The following CACNA1A variants were observed in gnomAD, a reference collection of about 807,000 sequenced individuals.
CACNA1A encodes the protein calcium voltage-gated channel subunit alpha1 A, also known as voltage-dependent P/Q-type calcium channel subunit alpha-1A.
Under a neutral mutation model 262.4 loss-of-function variants are expected in CACNA1A, and 57 were observed. The ratio of observed to expected loss-of-function variants is 0.22; its 90% confidence interval spans 0.18 to 0.27. The LOEUF (loss-of-function observed/expected upper bound fraction) is 0.27, where lower values mean the gene tolerates loss of function less well. CACNA1A is among the 10% of genes least tolerant of loss of function. CACNA1A has a pLI of 1.00. For missense variants in CACNA1A, 2,526 were observed against 3,562.8 expected (o/e 0.71, Z 7.41); for synonymous variants, 1,431 against 1,419.3 (o/e 1.01, Z -0.18).
intron 12 of CACNA1A, among the ~76,000 whole-genome samples, chr19:13,310,267 G>A (rs1448131357): frequency 6.6e-6 from 1 of 150,870 alleles, no homozygotes; most frequent in East Asian, 1.9e-4. Flanking sequence ...ACCAGCCTGG[G>A]CAAATTGCTG....
intron 15 of CACNA1A, 32 bp from the exon 16 acceptor site, chr19:13,303,916 C>T: frequency 1.3e-6 from 2 of 1,482,762 alleles, no homozygotes; most frequent in South Asian, 1.2e-5. Context: ...CACAGCCAAC[C>T]CCCCTCTCAG....
intron 11 of CACNA1A, among the ~76,000 whole-genome samples, chr19:13,314,428 G>A (rs779758917): frequency 2.6e-5 from 4 of 152,126 alleles, no homozygotes; most frequent in South Asian, 4.1e-4. Context: ...AAGTCATTAC[G>A]GTAGAGCTCT....
rs118002029 is a variant in CACNA1A at position 13,453,292 on chromosome 19, T to C, written c.400-277A>G. Among the ~76,000 whole-genome samples the C allele has an allele frequency of 4.0e-3, 605 of 152,354 alleles. 5 individuals are homozygous for C. The highest frequency in any genetic ancestry group is 6.5e-3 in the Non-Finnish European group (443 of 68,040). ...GAATTATTTGTTTGCACCTGTCTTA[T>C]TCAATACGACAGTCACAGGCCACAT... On this transcript the variant is annotated intron_variant, in intron 2 of 46. Transcript: ENST00000360228.
chr19:13,243,756 A>C (rs1248271450), intron 31 of CACNA1A: 1 of 151,996 alleles, frequency 6.6e-6, no homozygotes, highest in Non-Finnish European at 1.5e-5. Flanking sequence ...ATGGGGTTTC[A>C]CCATGTTGGC....
intron 36 of CACNA1A, 42 bp downstream of exon 36, chr19:13,230,040 G>A (rs770938922): frequency 1.2e-6 from 2 of 1,600,998 alleles, no homozygotes; most frequent in East Asian, 2.2e-5. Context: ...GTTCCAGGGA[G>A]AGGTGAGTAT....
chr19:13,297,379 C>A (rs1222180441), intron 19 of CACNA1A, among the ~76,000 whole-genome samples: 1 of 152,196 alleles, frequency 6.6e-6, no homozygotes, highest in African/African-American at 2.4e-5. Context: ...CCTTGAGGAG[C>A]TCACTCAATC....
intron 3 of CACNA1A, among the ~76,000 whole-genome samples, chr19:13,410,498 G>C (rs1432344746): frequency 6.6e-6 from 1 of 150,580 alleles, no homozygotes; most frequent in African/African-American, 2.4e-5. Flanking sequence ...TTACAGGTGT[G>C]AGTCATTGTG....
chr19:13,419,782 C>T (rs547837869), intron 3 of CACNA1A, among the ~76,000 whole-genome samples: 3 of 151,894 alleles, frequency 2.0e-5, no homozygotes, highest in South Asian at 4.2e-4. Context: ...AGTAAGAATG[C>T]TGTTAAAATG....
rs527327502 is a variant in CACNA1A, at chr19:13,326,788, C to CAA, written c.1345+3454_1345+3455dup. 2.0e-3 allele frequency among the ~76,000 whole-genome samples: 261 copies of CAA among 129,442 alleles called. 5 individuals are homozygous for CAA. The highest frequency in any genetic ancestry group is 0.014 in the South Asian group (56 of 4,120). 84.9% of individuals were successfully genotyped at this position (129,442 alleles called of 152,430 possible). A position where few individuals can be genotyped will look rare whatever the true frequency, so the allele number is the denominator to read the frequency against. ...TGAACATCAGAGCAAGACACTGTCT[C>CAA]AAAAAAAAAAAAAAAAGGACTGTGC... is the stretch of plus-strand genomic sequence containing the variant. On this transcript the variant is annotated intron_variant, in intron 10 of 46. Coordinates refer to ENST00000360228, the MANE Select transcript of CACNA1A (RefSeq NM_001127222.2).
intron 38 of CACNA1A, among the ~76,000 whole-genome samples, chr19:13,221,629 A>G (rs1395286932): frequency 6.6e-6 from 1 of 152,096 alleles, no homozygotes; most frequent in African/African-American, 2.4e-5. Context: ...AATGCACTCC[A>G]GACAGGGGAC....
At chr19:13,497,396 T>C (rs780371473) in intron 1 of CACNA1A, among the ~76,000 whole-genome samples, 8 of 137,652 alleles carry the variant, frequency 5.8e-5, no homozygotes, top group African/African-American at 1.1e-4. Flanking sequence ...CAAATGCCCA[T>C]CGTCCTGCTT....
At chr19:13,231,441 C>T (rs546807319) in intron 35 of CACNA1A, among the ~76,000 whole-genome samples, 6 of 152,158 alleles carry the variant, frequency 3.9e-5, no homozygotes, top group South Asian at 2.1e-4. Flanking sequence ...GAACGGGTGG[C>T]GTGTGCTGCC....
chr19:13,391,815 C>T (rs7248355), intron 3 of CACNA1A, among the ~76,000 whole-genome samples: 88,100 of 151,572 alleles, frequency 0.58, 26,913 homozygotes, highest in African/African-American at 0.79. Flanking sequence ...GGCAGGAGGA[C>T]TGCTTGAGCC....
At chr19:13,210,921 G>A (rs1191698949) in intron 43 of CACNA1A, 1 of 553,924 alleles carries the variant, frequency 1.8e-6, no homozygotes, top group Non-Finnish European at 3.2e-6. Context: ...CAGACAAATG[G>A]CAGAGGCATG....
intron 3 of CACNA1A, chr19:13,450,929 T>C (rs368905445): frequency 8.5e-4 from 129 of 152,358 alleles, no homozygotes; most frequent in African/African-American, 3.1e-3. Context: ...CCTCCCAATG[T>C]GCTGGGATAC....
chr19:13,357,319 C>T (rs74583830), intron 6 of CACNA1A, among the ~76,000 whole-genome samples: 2,452 of 152,290 alleles, frequency 0.016, 31 homozygotes, highest in Non-Finnish European at 0.023. Flanking sequence ...GAACACTAGG[C>T]ATAAATGGGT....
chr19:13,410,453 A>T (rs1052667191), intron 3 of CACNA1A, among the ~76,000 whole-genome samples: 3 of 151,662 alleles, frequency 2.0e-5, no homozygotes, highest in Non-Finnish European at 4.4e-5. Flanking sequence ...GCTAGTCTCA[A>T]ATTCCCGAGG....
chr19:13,383,690 A>T (rs1214300162), intron 3 of CACNA1A, among the ~76,000 whole-genome samples: 1 of 152,184 alleles, frequency 6.6e-6, no homozygotes, highest in Non-Finnish European at 1.5e-5. Flanking sequence ...TCTTTTGCCT[A>T]GCTGGCCTCT....
chr19:13,332,389 G>A (rs1319673536), intron 9 of CACNA1A, among the ~76,000 whole-genome samples: 1 of 151,818 alleles, frequency 6.6e-6, no homozygotes, highest in Non-Finnish European at 1.5e-5. Context: ...GACAGAGCGA[G>A]ACTCTGTCTC....
Sources: allele counts gnomAD v4.1 joint callset (sites outside exome capture counted in the v4.1 genomes callset), GRCh38; gene constraint gnomAD v4.1.1; transcripts MANE v1.5; gene names NCBI Gene and HGNC (gene_info 2026-07-23, HGNC 2026-07-21).